CREBBP: variants seen among roughly 807,000 people sequenced by gnomAD.
CREBBP encodes CREB binding lysine acetyltransferase, also known as CREB-binding protein.
CREBBP carries 19 observed loss-of-function variants against 265.0 expected under a neutral mutation model. The observed-to-expected ratio is 0.07, with a 90% CI of 0.05 to 0.11. The LOEUF is 0.11. Ranked by LOEUF, CREBBP falls within the 10% of genes least tolerant of loss-of-function variation. The probability of loss-of-function intolerance (pLI) is 1.00; values close to 1 mark genes in which losing one functional copy is unlikely to be tolerated. For missense variants in CREBBP, 2,525 were observed against 3,219.0 expected, an observed-to-expected ratio of 0.78 and a Z score of 5.22; for synonymous variants, 1,457 against 1,223.7, an observed-to-expected ratio of 1.19 and a Z score of -3.98.
chr16:3,781,080 A>AGTT, intron 7 of CREBBP, 124 bp downstream of exon 7: 1 of 1,054,984 alleles, frequency 9.5e-7, no homozygotes, highest in Admixed American at 2.1e-5. Context: ...GGAAAACAGC[A>AGTT]TTCACCCCTC....
At chr16:3,846,474 G>A (rs1197844671) in intron 2 of CREBBP, among the ~76,000 whole-genome samples, 2 of 152,142 alleles carry the variant, frequency 1.3e-5, no homozygotes, top group African/African-American at 4.8e-5. Flanking sequence ...TAGCAGATAT[G>A]GTCACTCAGC....
chr16:3,815,530 CAA>C (rs1031380875), intron 2 of CREBBP, among the ~76,000 whole-genome samples: 12 of 51,950 alleles, frequency 2.3e-4, no homozygotes, highest in East Asian at 1.3e-3. Context: ...GACTCCATCT[CAA>C]AAAAAAAAAA....
Position 3,769,228 on chromosome 16 carries a change from T to A in CREBBP, c.3006A>T (p.Gln1002His), listed in dbSNP as rs2052937881. ...CAGGATCGGGCTCAGTGTCCTCTGC[T>A]TGGGTCTCCGTCTTCATTTCCAGCA... ...VPVLEMKTET[Q>H]AEDTEPDPGE... Residue 1002 changes from glutamine (Q) to histidine (H), a missense_variant, in exon 15 of 31, where the codon CAA becomes CAT. This residue lies in a region of CREBBP where 548 missense variants were observed against 533.0 expected (regional missense o/e 1.03). Coordinates refer to ENST00000262367, the MANE Select transcript of CREBBP (RefSeq NM_004380.3). The A allele has an allele frequency of 1.9e-6, 3 of 1,614,134 alleles. No homozygotes were observed. In the African/African-American group the frequency reaches 4.0e-5, roughly 22 times the overall value.
intron 2 of CREBBP, among the ~76,000 whole-genome samples, chr16:3,834,385 C>T (rs2054401598): frequency 6.6e-6 from 1 of 152,064 alleles, no homozygotes; most frequent in African/African-American, 2.4e-5. Flanking sequence ...GGGATAATTG[C>T]CATGAAAAGA....
rs775654514 is a variant in CREBBP at position 3,777,705 on chromosome 16, A to G, written c.2114-48T>C. 5 of 1,602,232 alleles carry G rather than the reference A, an allele frequency of 3.1e-6. No individual in the cohort carries two copies. In the Admixed American group the frequency reaches 8.3e-5, roughly 27 times the overall value. Reference sequence around the variant, plus strand: ...AAAACAAAACCACCCTAGTTATTTAATATAATCCTTGATTCAGGAATAGGA... The same window carrying G: ...AAAACAAAACCACCCTAGTTATTTAGTATAATCCTTGATTCAGGAATAGGA... On this transcript the variant is annotated intron_variant, in intron 10 of 30. Coordinates refer to ENST00000262367, the MANE Select transcript of CREBBP (RefSeq NM_004380.3).
At chr16:3,821,801 G>A (rs1162016838) in intron 2 of CREBBP, among the ~76,000 whole-genome samples, 3 of 152,190 alleles carry the variant, frequency 2.0e-5, no homozygotes, top group Non-Finnish European at 4.4e-5. Context: ...AGGCCAAGGC[G>A]GGTGGATCAC....
At chr16:3,845,262 T>TA (rs2054642806) in intron 2 of CREBBP, among the ~76,000 whole-genome samples, 1 of 152,118 alleles carries the variant, frequency 6.6e-6, no homozygotes, top group African/African-American at 2.4e-5. Context: ...ATAAATCTGA[T>TA]AAAGTGTAGA....
intron 1 of CREBBP, among the ~76,000 whole-genome samples, chr16:3,865,490 T>A (rs1443684773): frequency 6.6e-6 from 1 of 152,186 alleles, no homozygotes; most frequent in Admixed American, 6.5e-5. Context: ...CAACAGCGTC[T>A]GCCTGAATAC....
At chr16:3,830,595 A>G (rs1597017753) in intron 2 of CREBBP, among the ~76,000 whole-genome samples, 1 of 152,376 alleles carries the variant, frequency 6.6e-6, no homozygotes, top group South Asian at 2.1e-4. Flanking sequence ...GTTTCAAAAC[A>G]CATGAAACAA....
In CREBBP at chr16:3,852,062, A is replaced by C. The variant is rs1430818591; in HGVS notation, c.86-1053T>G. Reference sequence around the variant, plus strand: ...AAAAAAAAAAAAAAAAAAAAAAAAAAAAAAAAAAAAAAAGAATGTATGTGT... The same window carrying C: ...AAAAAAAAAAAAAAAAAAAAAAAAACAAAAAAAAAAAAAGAATGTATGTGT... On this transcript the variant is annotated intron_variant, in intron 1 of 30. Coordinates refer to ENST00000262367, the MANE Select transcript of CREBBP (RefSeq NM_004380.3). Among the ~76,000 whole-genome samples the C allele has an allele frequency of 2.9e-4, 41 of 143,836 alleles. No homozygotes were observed. In the East Asian group the frequency reaches 7.2e-3, roughly 25 times the overall value. The allele number at this position is 143,836 out of a possible 152,430, so 94.4% of individuals were successfully genotyped here.
intron 1 of CREBBP, among the ~76,000 whole-genome samples, chr16:3,869,528 TAAATGTA>T (rs2055248722): frequency 6.6e-6 from 1 of 152,214 alleles, no homozygotes; most frequent in Non-Finnish European, 1.5e-5. Flanking sequence ...AGAGGATAAG[TAAATGTA>T]CTTACAGTTG....
chr16:3,774,532 G>C (rs2053089725), intron 12 of CREBBP, 37 bp downstream of exon 12: 1 of 1,613,312 alleles, frequency 6.2e-7, no homozygotes, highest in Non-Finnish European at 8.5e-7. Flanking sequence ...ATGTGAGAGG[G>C]AGGGCTATCT....
At chr16:3,861,987 C>G (rs913780640) in intron 1 of CREBBP, among the ~76,000 whole-genome samples, 17 of 152,154 alleles carry the variant, frequency 1.1e-4, no homozygotes, top group African/African-American at 4.1e-4. Context: ...AGCCCCCACC[C>G]TCTCCTCCCC....
Position 3,850,562 on chromosome 16 carries a change from T to C in CREBBP, c.533A>G (p.Asn178Ser). 3 of 1,614,256 alleles carry C rather than the reference T, an allele frequency of 1.9e-6. No homozygotes were observed. The highest frequency in any genetic ancestry group is 2.5e-6 in the Non-Finnish European group (3 of 1,180,044). The change falls in exon 2 of 31, where the codon AAT (asparagine) becomes AGT (serine). Residue 178 changes from asparagine (N) to serine (S), a missense_variant. By Grantham distance (46) the Asn-to-Ser change is conservative (BLOSUM62 1). Around this residue, in one of 19 missense-constraint regions of CREBBP, gnomAD observed 356 missense variants for 340.4 expected, o/e 1.05. Transcript: ENST00000262367. ...TSQTGPGICM[N>S]ANFNQTHPGL... Reference sequence around the variant, plus strand: ...TGGGTGGGTCTGGTTAAAGTTAGCATTCATGCAGATACCAGGTCCAGTCTG... The same window carrying C: ...TGGGTGGGTCTGGTTAAAGTTAGCACTCATGCAGATACCAGGTCCAGTCTG...
At chr16:3,751,866 G>C (rs1370107192) in intron 19 of CREBBP, 60 bp from the exon 20 acceptor site, 1 of 1,539,142 alleles carries the variant, frequency 6.5e-7, no homozygotes, top group South Asian at 1.1e-5. Context: ...AGCCACCCAA[G>C]CAACGAAGCC....
intron 1 of CREBBP, among the ~76,000 whole-genome samples, chr16:3,867,771 A>AG (rs1178495587): frequency 6.6e-6 from 1 of 151,028 alleles, no homozygotes; most frequent in Non-Finnish European, 1.5e-5. Context: ...AAAAAAAAAA[A>AG]AAAAAAAATT....
chr16:3,777,870 G>C (rs1017444706), intron 10 of CREBBP, 141 bp downstream of exon 10: 21 of 1,153,782 alleles, frequency 1.8e-5, no homozygotes, highest in African/African-American at 3.1e-5. Flanking sequence ...GAGGCAGGTG[G>C]TCAGGGCCAC....
Position 3,728,194 on chromosome 16 carries a change from G to T in CREBBP, c.6853C>A (p.Pro2285Thr), listed in dbSNP as rs368174171. ...GQPGLGADST[P>T]NIQQALQQRI... The stretch of plus-strand genomic sequence containing the variant: ...TGCTGCAGGGCTTGCTGGATGTTGG[G>T]GGTGCTGTCTGCCCCCAGCCCCGGC... Residue 2285 changes from proline to threonine, a missense_variant, in exon 31 of 31, where the codon CCC becomes ACC. By Grantham distance (38) the Pro-to-Thr change is conservative. This residue lies in a region of CREBBP where 473 missense variants were observed against 459.3 expected (regional missense o/e 1.03). Coordinates refer to ENST00000262367, the MANE Select transcript of CREBBP (RefSeq NM_004380.3). This position sits in a 1 kb window ranked among gnomAD's most constrained non-coding sequence, Gnocchi z 8.7. The T allele has an allele frequency of 1.2e-6, 2 of 1,613,942 alleles. No individual in the cohort carries two copies. The highest frequency in any genetic ancestry group is 1.7e-6 in the Non-Finnish European group (2 of 1,180,002).
Position 3,727,416 on chromosome 16 carries a change from A to G in CREBBP, c.*302T>C. 1 of 338,500 alleles carries G rather than the reference A, an allele frequency of 3.0e-6. No homozygotes were observed. Among genetic ancestry groups the G allele is most frequent in the Non-Finnish European group, 5.4e-6 (1 of 183,852 alleles). The allele number at this position is 338,500 out of a possible 1,614,324, so 21.0% of individuals were successfully genotyped here. Reference sequence around the variant, plus strand: ...CCGTTAAAAAAAGGCATGAGTCACCAGCAATGACGACAAAAAGAATCCAAA... The same window carrying G: ...CCGTTAAAAAAAGGCATGAGTCACCGGCAATGACGACAAAAAGAATCCAAA... On this transcript the variant is annotated 3_prime_UTR_variant, in exon 31 of 31. Transcript: ENST00000262367.
Sources: gnomAD v4.1 joint callset for allele counts (sites outside exome capture counted in the v4.1 genomes callset) on GRCh38, gnomAD v4.1.1 for gene constraint, gnomAD v4.1.1 regional missense constraint, Gnocchi (gnomAD v3.1) non-coding constraint, MANE v1.5 for transcripts, NCBI Gene and HGNC (gene_info 2026-07-23, HGNC 2026-07-21) for gene names.